Variants in ZFP64 observed in about 807,000 individuals in gnomAD.
ZFP64 encodes the protein ZFP64 zinc finger protein.
A neutral mutation model predicts 51.6 loss-of-function variants in ZFP64; 14 were observed. The observed-to-expected ratio is 0.27, with a 90% confidence interval of 0.18 to 0.42. ZFP64 has a LOEUF of 0.42. Among genes scored for constraint, ZFP64 ranks in the 10% least tolerant of loss-of-function variants. The pLI is 1.00. For missense variants in ZFP64, 754 were observed against 906.8 expected (o/e 0.83, Z 2.16); for synonymous variants, 375 against 361.4 (o/e 1.04, Z -0.43).
At position 52,191,663 on chromosome 20, in the gene ZFP64, G is replaced by A. The variant is rs747719018; in HGVS notation, c.-27C>T. On this transcript the variant is annotated 5_prime_UTR_variant, in exon 1 of 6. Transcript: ENST00000216923. This position sits in a 1 kb window ranked among gnomAD's most constrained non-coding sequence, Gnocchi z 4.3. ...GCCGCAGACTGGGAGGTCCCCGGCC[G>A]GCCGGGATGCCAAAGTGGGGGACGC... 17 of 1,573,114 alleles carry A rather than the reference G, an allele frequency of 1.1e-5. No homozygotes were observed. Among genetic ancestry groups the A allele is most frequent in the Middle Eastern group, 3.3e-4 (2 of 6,006 alleles).
chr20:52,151,461 A>G lies in ZFP64; in HGVS notation c.*685T>C. 1 of 985,420 alleles carries G rather than the reference A, an allele frequency of 1.0e-6. No individual in the cohort carries two copies. Among genetic ancestry groups the G allele is most frequent in the Non-Finnish European group, 1.2e-6 (1 of 829,958 alleles). The allele number at this position is 985,420 out of a possible 1,614,324, so 61.0% of individuals were successfully genotyped here. ...TCTGGGGAGTATTCCAGAATGGGGC[A>G]AAAGAGAGGCTGGGAAGTACCATTT... On this transcript the variant is annotated 3_prime_UTR_variant, in exon 6 of 6. Transcript: ENST00000216923.
rs1200011274 is a variant in ZFP64 at position 52,105,636 on chromosome 20, G to A, written c.764-7049C>T. 3.5e-4 allele frequency: 54 copies of A among 155,978 alleles called. No individual in the cohort carries two copies. In the Admixed American group the frequency reaches 3.5e-3, roughly 10 times the overall value. 9.7% of individuals were successfully genotyped at this position (155,978 alleles called of 1,614,324 possible). A position where few individuals can be genotyped will look rare whatever the true frequency, so the allele number is the denominator to read the frequency against. On this transcript the variant is annotated intron_variant, in intron 5 of 8. Transcript: ENST00000361387. ...GATTCGTTTGCCCATTAAAATTTCA[G>A]AAGCGCAGCTCTCCTCCAACTTTAA...
intron 1 of ZFP64, among the ~76,000 whole-genome samples, chr20:52,189,457 C>G (rs1474110827): frequency 6.7e-6 from 1 of 150,314 alleles, no homozygotes; most frequent in Admixed American, 6.6e-5. Context: ...TATTGTAAAA[C>G]TAATCCTTTT....
chr20:52,181,141 A>G (rs1439205130), intron 2 of ZFP64, among the ~76,000 whole-genome samples: 1 of 152,028 alleles, frequency 6.6e-6, no homozygotes, highest in Non-Finnish European at 1.5e-5. Context: ...TGGGGGTTTC[A>G]CCACATTGGC....
At chr20:52,155,960 A>G (rs997481064) in intron 5 of ZFP64, among the ~76,000 whole-genome samples, 16 of 152,250 alleles carry the variant, frequency 1.1e-4, no homozygotes, top group African/African-American at 3.9e-4. Context: ...TATAAAAGGG[A>G]AAATGAACAT....
At chr20:52,164,557 T>C in intron 4 of ZFP64, 138 bp downstream of exon 4, 3 of 758,820 alleles carry the variant, frequency 4.0e-6, no homozygotes, top group East Asian at 5.0e-5. Context: ...TGGCACCTTA[T>C]TTTTTAAAAT....
At chr20:52,178,794 C>T (rs1398779206) in intron 2 of ZFP64, among the ~76,000 whole-genome samples, 1 of 152,192 alleles carries the variant, frequency 6.6e-6, no homozygotes, top group Non-Finnish European at 1.5e-5. Flanking sequence ...GTTCTCCCCC[C>T]TGACTTTCCC....
intron 7 of ZFP64, among the ~76,000 whole-genome samples, chr20:52,094,603 A>C (rs904081602): frequency 1.3e-5 from 2 of 152,130 alleles, no homozygotes; most frequent in African/African-American, 4.8e-5. Context: ...TACAAAATAA[A>C]ATAAAATTAG....
intron 5 of ZFP64, chr20:52,105,074 G>C: frequency 1.4e-6 from 2 of 1,404,240 alleles, no homozygotes; most frequent in Non-Finnish European, 1.8e-6. Context: ...CGCGGGTCCG[G>C]AGAACCTCTG....
intron 5 of ZFP64, among the ~76,000 whole-genome samples, chr20:52,127,170 T>G (rs2070377529): frequency 6.6e-6 from 1 of 152,128 alleles, no homozygotes; most frequent in South Asian, 2.1e-4. Context: ...CAGGCTGGTC[T>G]CAATCTCCTG....
In ZFP64 at chr20:52,160,577, T is replaced by A. The variant is rs959446363; in HGVS notation, c.512-203A>T. On this transcript the variant is annotated intron_variant, in intron 4 of 5. Coordinates refer to ENST00000216923, the MANE Select transcript of ZFP64 (RefSeq NM_018197.3). The surrounding 1 kb of genome is among the most constrained non-coding windows in gnomAD (Gnocchi z 4.2). ...TTCCATGTTCCTTATTGGTATTACTTGAATTTTTAAAATGATGAATATGAA... is the reference window on the plus strand; with the variant it reads ...TTCCATGTTCCTTATTGGTATTACTAGAATTTTTAAAATGATGAATATGAA... Among the ~76,000 whole-genome samples, 1 of 152,202 alleles carries A rather than the reference T, an allele frequency of 6.6e-6. No homozygotes were observed. The highest frequency in any genetic ancestry group is 1.5e-5 in the Non-Finnish European group (1 of 68,034).
At chr20:52,121,722 T>C (rs1358319521) in intron 5 of ZFP64, among the ~76,000 whole-genome samples, 1 of 152,210 alleles carries the variant, frequency 6.6e-6, no homozygotes, top group African/African-American at 2.4e-5. Context: ...GAGGCTACAC[T>C]GAGCAACAGA....
intron 2 of ZFP64, among the ~76,000 whole-genome samples, chr20:52,167,489 C>T (rs563988186): frequency 1.0e-3 from 86 of 82,414 alleles, no homozygotes; most frequent in Non-Finnish European, 1.7e-3. Flanking sequence ...CTTCCTCCCT[C>T]CCTTCTTCTC....
intron 5 of ZFP64, among the ~76,000 whole-genome samples, chr20:52,120,401 G>A (rs770336010): frequency 2.0e-5 from 3 of 152,142 alleles, no homozygotes; most frequent in Admixed American, 1.3e-4. Context: ...GATCCTCGTC[G>A]TGGTAATGAC....
chr20:52,091,482 G>A (rs1218650957), intron 7 of ZFP64, among the ~76,000 whole-genome samples: 4 of 152,106 alleles, frequency 2.6e-5, no homozygotes, highest in Non-Finnish European at 4.4e-5. Context: ...TTAGCATCAG[G>A]CAAAATAGAA....
At chr20:52,094,925 G>GGCATGCCCAAA (rs1286395974) in intron 7 of ZFP64, among the ~76,000 whole-genome samples, 3 of 152,130 alleles carry the variant, frequency 2.0e-5, no homozygotes, top group Non-Finnish European at 4.4e-5. Context: ...GTGACCTTGA[G>GGCATGCCCAAA]GCATGCCCAA....
rs760959778 is a variant in ZFP64, at chr20:52,098,477, C to T, written c.874G>A (p.Ala292Thr). ...TTGAACGTCCTCTCTCCAAGGGTGG[C>T]CATTTGTTCCCTTGCCTCTGAGGGA... The change falls in exon 6 of 9, where the codon GCC becomes ACC. Residue 292 changes from alanine to threonine, a missense_variant. Coordinates refer to the ZFP64 transcript ENST00000361387. 21 of 1,614,028 alleles carry T rather than the reference C, an allele frequency of 1.3e-5. No individual in the cohort carries two copies. The Admixed American group carries it at 2.2e-4, about 17-fold the overall frequency.
At chr20:52,116,856 G>A (rs566447354) in intron 5 of ZFP64, among the ~76,000 whole-genome samples, 2 of 152,176 alleles carry the variant, frequency 1.3e-5, no homozygotes, top group Non-Finnish European at 2.9e-5. Flanking sequence ...GATCACCTGA[G>A]GTCAAGAGAT....
chr20:52,121,375 G>A (rs914066339), intron 5 of ZFP64, among the ~76,000 whole-genome samples: 1 of 150,502 alleles, frequency 6.6e-6, no homozygotes, highest in Non-Finnish European at 1.5e-5. Context: ...TGCTACTCCA[G>A]TGAACACATG....
Sources: allele counts gnomAD v4.1 joint callset (sites outside exome capture counted in the v4.1 genomes callset), GRCh38; gene constraint gnomAD v4.1.1; non-coding constraint Gnocchi (gnomAD v3.1); transcripts MANE v1.5; gene names NCBI Gene and HGNC (gene_info 2026-07-23, HGNC 2026-07-21).